TAFA2: variants seen among roughly 807,000 people sequenced by gnomAD.
The protein encoded by TAFA2 is TAFA chemokine like family member 2.
A neutral mutation model predicts 18.8 loss-of-function variants in TAFA2; 7 were observed. The observed-to-expected ratio is 0.37, with a 90% confidence interval of 0.21 to 0.70. TAFA2 has a LOEUF of 0.70. Ranked by LOEUF, TAFA2 falls within the 30% of genes least tolerant of loss-of-function variation. The probability of loss-of-function intolerance (pLI) is 0.53; values close to 1 mark genes in which losing one functional copy is unlikely to be tolerated. For synonymous variants in TAFA2, 60 were observed against 54.2 expected, an observed-to-expected ratio of 1.11 and a Z score of -0.47; for missense variants, 122 against 158.1, an observed-to-expected ratio of 0.77 and a Z score of 1.23.
At chr12:62,198,923 T>A (rs189726864) in intron 1 of TAFA2, among the ~76,000 whole-genome samples, 57 of 152,314 alleles carry the variant, frequency 3.7e-4, no homozygotes, top group African/African-American at 1.4e-3. Context: ...CACAAAGTGA[T>A]GTGAGAAACA....
chr12:61,721,780 A>AC, intron 4 of TAFA2, among the ~76,000 whole-genome samples: 1 of 152,208 alleles, frequency 6.6e-6, no homozygotes, highest in Non-Finnish European at 1.5e-5. Context: ...ACATGGTGAA[A>AC]CCCCATCTCT....
chr12:62,025,534 A>T (rs1881284281), intron 1 of TAFA2, among the ~76,000 whole-genome samples: 1 of 152,190 alleles, frequency 6.6e-6, no homozygotes, highest in Non-Finnish European at 1.5e-5. Context: ...TAGATTTTTT[A>T]AATATTATGG....
At chr12:62,235,038 A>G (rs952031278) in intron 1 of TAFA2, 8 of 634,526 alleles carry the variant, frequency 1.3e-5, no homozygotes, top group African/African-American at 1.3e-4. Flanking sequence ...AATATGAGAC[A>G]TCACTGGAAT....
chr12:62,253,361 C>T (rs1007526387), intron 1 of TAFA2: 4 of 152,196 alleles, frequency 2.6e-5, no homozygotes, highest in African/African-American at 9.7e-5. Flanking sequence ...AACTTTCTAA[C>T]ATTTCTTCTT....
At chr12:61,724,653 T>C (rs1350595226) in intron 4 of TAFA2, among the ~76,000 whole-genome samples, 2 of 152,056 alleles carry the variant, frequency 1.3e-5, no homozygotes, top group Admixed American at 6.6e-5. Flanking sequence ...TTTCCATTCC[T>C]GAGTTACTTC....
intron 2 of TAFA2, among the ~76,000 whole-genome samples, chr12:61,825,462 T>C (rs1422141124): frequency 6.6e-6 from 1 of 152,064 alleles, no homozygotes; most frequent in Non-Finnish European, 1.5e-5. Flanking sequence ...AAAGGGCTAG[T>C]GAAACAGGGT....
intron 1 of TAFA2, among the ~76,000 whole-genome samples, chr12:62,079,700 T>C (rs1467776718): frequency 1.3e-5 from 2 of 151,954 alleles, no homozygotes; most frequent in Non-Finnish European, 2.9e-5. Context: ...ATGTTGTTAC[T>C]AAATCTGTGA....
At chr12:62,097,437 A>G (rs1868999515) in intron 1 of TAFA2, among the ~76,000 whole-genome samples, 1 of 152,154 alleles carries the variant, frequency 6.6e-6, no homozygotes, top group Admixed American at 6.6e-5. Flanking sequence ...AGCTTGGCAC[A>G]TGTGGGGAAT....
intron 1 of TAFA2, among the ~76,000 whole-genome samples, chr12:62,073,304 T>C (rs1334557850): frequency 6.6e-6 from 1 of 152,212 alleles, no homozygotes; most frequent in Admixed American, 6.5e-5. Flanking sequence ...CTCCATTTCA[T>C]CTTTGCATTA....
intron 1 of TAFA2, among the ~76,000 whole-genome samples, chr12:62,132,881 C>T (rs1870745775): frequency 6.6e-6 from 1 of 151,790 alleles, no homozygotes; most frequent in South Asian, 2.1e-4. Context: ...AATACTGCCC[C>T]CAAAAATATA....
chr12:61,842,276 A>AC (rs76159795), intron 2 of TAFA2, among the ~76,000 whole-genome samples: 2 of 151,728 alleles, frequency 1.3e-5, no homozygotes, highest in African/African-American at 4.8e-5. Flanking sequence ...CACATGACAG[A>AC]ACTTGCCCTT....
chr12:62,070,517 T>G (rs1053230940), intron 1 of TAFA2: 5 of 152,322 alleles, frequency 3.3e-5, no homozygotes, highest in African/African-American at 1.2e-4. Context: ...ATGGAAGAAG[T>G]GGCATAGCTC....
intron 2 of TAFA2, among the ~76,000 whole-genome samples, chr12:61,800,618 G>A (rs1871364218): frequency 6.6e-6 from 1 of 152,070 alleles, no homozygotes; most frequent in African/African-American, 2.4e-5. Flanking sequence ...CAATAATAGA[G>A]CTCAGAATTT....
chr12:62,078,993 T>C (rs1157981744), intron 1 of TAFA2, among the ~76,000 whole-genome samples: 1 of 152,172 alleles, frequency 6.6e-6, no homozygotes, highest in Non-Finnish European at 1.5e-5. Flanking sequence ...TGGGCATGTT[T>C]CACAAATTTT....
intron 1 of TAFA2, among the ~76,000 whole-genome samples, chr12:61,882,503 G>A (rs1875191371): frequency 6.6e-6 from 1 of 152,038 alleles, no homozygotes; most frequent in South Asian, 2.1e-4. Flanking sequence ...CTGAGAAATG[G>A]AGGTAAAAGG....
intron 1 of TAFA2, among the ~76,000 whole-genome samples, chr12:62,220,400 A>T (rs757994831): frequency 6.6e-5 from 10 of 152,320 alleles, no homozygotes; most frequent in Middle Eastern, 6.8e-3. Context: ...TACAACCCCA[A>T]ATCCTGGTGA....
intron 1 of TAFA2, among the ~76,000 whole-genome samples, chr12:62,031,485 TTA>T (rs148513671): frequency 6.6e-6 from 1 of 150,570 alleles, no homozygotes. Flanking sequence ...AAACTCCCCT[TTA>T]TATATATATA....
chr12:62,043,109 A>G (rs1416090826), intron 1 of TAFA2, among the ~76,000 whole-genome samples: 3 of 152,192 alleles, frequency 2.0e-5, no homozygotes, highest in African/African-American at 4.8e-5. Flanking sequence ...TTAATTCACA[A>G]TATTTTAATG....
At chr12:61,801,433 CAG>C (rs1289930779) in intron 2 of TAFA2, among the ~76,000 whole-genome samples, 1 of 151,836 alleles carries the variant, frequency 6.6e-6, no homozygotes, top group African/African-American at 2.4e-5. Flanking sequence ...ACACAAAGAA[CAG>C]AGAATCCAGA....
Sources: gnomAD v4.1 joint callset for allele counts (sites outside exome capture counted in the v4.1 genomes callset) on GRCh38, gnomAD v4.1.1 for gene constraint, MANE v1.5 for transcripts, NCBI Gene and HGNC (gene_info 2026-07-23, HGNC 2026-07-21) for gene names.